Variants in SLIT3 observed in about 807,000 individuals in gnomAD.
SLIT3 encodes the protein slit homolog 3 protein.
In SLIT3, 68 loss-of-function variants were observed where a neutral mutation model predicts 184.0. The observed-to-expected ratio is 0.37, with a 90% CI of 0.30 to 0.45. The LOEUF (loss-of-function observed/expected upper bound fraction) is 0.45, where lower values mean the gene tolerates loss of function less well. Among genes scored for constraint, SLIT3 ranks in the 20% least tolerant of loss-of-function variants. The pLI, the probability that SLIT3 is intolerant of heterozygous loss-of-function variation, is 1.00. For missense variants in SLIT3, 1,707 were observed against 2,026.0 expected (o/e 0.84, Z 3.02); for synonymous variants, 831 against 828.6 (o/e 1.00, Z -0.05).
intron 5 of SLIT3, 79 bp downstream of exon 5, chr5:168,883,186 G>C: frequency 8.7e-7 from 1 of 1,154,886 alleles, no homozygotes; most frequent in Non-Finnish European, 1.3e-6. Context: ...CCACCCTCTT[G>C]TCCCATCCCT....
intron 4 of SLIT3, among the ~76,000 whole-genome samples, chr5:168,909,421 G>A (rs934029168): frequency 6.6e-6 from 1 of 152,206 alleles, no homozygotes; most frequent in African/African-American, 2.4e-5. Flanking sequence ...GCAAAGCTTA[G>A]TGGCAGCCGC....
intron 2 of SLIT3, among the ~76,000 whole-genome samples, chr5:169,246,949 G>T (rs1364168024): frequency 2.9e-5 from 3 of 102,610 alleles, no homozygotes; most frequent in African/African-American, 4.3e-5. Context: ...AAAAAAAAAA[G>T]GCTGGGCACA....
At chr5:168,996,270 C>T (rs1375664444) in intron 4 of SLIT3, among the ~76,000 whole-genome samples, 1 of 152,132 alleles carries the variant, frequency 6.6e-6, no homozygotes, top group Non-Finnish European at 1.5e-5. Flanking sequence ...CAGGCCTCCT[C>T]CCGAGAGACA....
chr5:169,214,827 T>C (rs576290733), intron 3 of SLIT3, among the ~76,000 whole-genome samples: 1 of 152,240 alleles, frequency 6.6e-6, no homozygotes, highest in African/African-American at 2.4e-5. Flanking sequence ...CATGCTTCCC[T>C]CCTTTTCACT....
chr5:169,281,811 T>A (rs1387945715), intron 1 of SLIT3, among the ~76,000 whole-genome samples: 1 of 152,224 alleles, frequency 6.6e-6, no homozygotes, highest in African/African-American at 2.4e-5. Context: ...TTATGTTGCT[T>A]TATTAATTTA....
chr5:169,214,659 T>A (rs1055378583), intron 3 of SLIT3, among the ~76,000 whole-genome samples: 1 of 152,144 alleles, frequency 6.6e-6, no homozygotes, highest in Non-Finnish European at 1.5e-5. Context: ...ACTCCCTAAT[T>A]GTCTTCAAGA....
chr5:168,667,674 G>A (rs112852619), intron 35 of SLIT3: 2 of 152,242 alleles, frequency 1.3e-5, no homozygotes, highest in Non-Finnish European at 2.9e-5. Flanking sequence ...CACAGTTTCC[G>A]TGTCTGCAAA....
chr5:168,974,332 G>A (rs1754680210), intron 4 of SLIT3, among the ~76,000 whole-genome samples: 1 of 152,152 alleles, frequency 6.6e-6, no homozygotes, highest in South Asian at 2.1e-4. Flanking sequence ...AACATTCTTT[G>A]TTGACCCCAT....
intron 4 of SLIT3, among the ~76,000 whole-genome samples, chr5:169,107,031 G>A (rs1045469533): frequency 2.6e-5 from 4 of 152,196 alleles, no homozygotes; most frequent in Non-Finnish European, 5.9e-5. Context: ...ATCCAAGGCC[G>A]CCTGCCCTGT....
chr5:168,918,486 G>A (rs1581210133), intron 4 of SLIT3, among the ~76,000 whole-genome samples: 1 of 152,336 alleles, frequency 6.6e-6, no homozygotes, highest in Admixed American at 6.5e-5. Context: ...GTTTGTCAAC[G>A]GCTGCACTAA....
chr5:169,267,929 C>T (rs1167069038), intron 1 of SLIT3, among the ~76,000 whole-genome samples: 1 of 152,188 alleles, frequency 6.6e-6, no homozygotes, highest in East Asian at 1.9e-4. Flanking sequence ...AGAGCACATA[C>T]ACTATTAACT....
rs1220463009 is a variant in SLIT3, at chr5:168,760,891, G to A, written c.1656C>T (p.Ile552=). 6.2e-7 allele frequency: 1 copy of A among 1,614,000 alleles called. No homozygotes were observed. Among genetic ancestry groups the A allele is most frequent in the South Asian group, 1.1e-5 (1 of 91,080 alleles). ...NEVSVLEATG[I]FKKLPNLRKI... is the part of the protein sequence containing the mutation. ...TCCGCAGGTTGGGCAACTTCTTGAA[G>A]ATGCCAGTGGCCTCCAGAACAGATA... Residue 552 remains isoleucine, a synonymous_variant, in exon 16 of 36, where the codon ATC becomes ATT. Coordinates refer to ENST00000519560, the MANE Select transcript of SLIT3 (RefSeq NM_003062.4).
In SLIT3 at chr5:169,263,270, G is replaced by C. The variant is rs148468274; in HGVS notation, c.198-11811C>G. 7.5e-3 allele frequency among the ~76,000 whole-genome samples: 1,146 copies of C among 152,238 alleles called. 8 individuals carry two copies. The highest frequency in any genetic ancestry group is 0.012 in the Non-Finnish European group (788 of 68,008). ...GGTGGCAGGATTGTTTAAGCCCAGG[G>C]GGGCAGAGGCTGCAGTGAGCTATGA... On this transcript the variant is annotated intron_variant, in intron 1 of 35. Coordinates refer to ENST00000519560, the MANE Select transcript of SLIT3 (RefSeq NM_003062.4).
chr5:169,123,954 C>T (rs1007345091), intron 4 of SLIT3, among the ~76,000 whole-genome samples: 3 of 152,168 alleles, frequency 2.0e-5, no homozygotes, highest in Admixed American at 6.5e-5. Flanking sequence ...AGGAAAGCTT[C>T]GCCAGAGAGC....
At chr5:168,869,821 C>A (rs1407931224) in intron 5 of SLIT3, among the ~76,000 whole-genome samples, 1 of 152,202 alleles carries the variant, frequency 6.6e-6, no homozygotes, top group Non-Finnish European at 1.5e-5. Context: ...AGACACAGTA[C>A]CCAGGAACGG....
In SLIT3 at chr5:168,909,179, G is replaced by A. The variant is rs114263093; in HGVS notation, c.414-25843C>T. ...CTAGGACAGCAAGGGCTACCCCCGA[G>A]CTGCTCTCACACATAGTACTGATAT... On this transcript the variant is annotated intron_variant, in intron 4 of 35. Transcript: ENST00000519560. 4.0e-3 allele frequency among the ~76,000 whole-genome samples: 603 copies of A among 152,326 alleles called. 2 individuals are homozygous for A. The highest frequency in any genetic ancestry group is 6.9e-3 in the Non-Finnish European group (468 of 68,036).
At chr5:169,117,150 G>C (rs376644280) in intron 4 of SLIT3, among the ~76,000 whole-genome samples, 11 of 152,308 alleles carry the variant, frequency 7.2e-5, no homozygotes, top group African/African-American at 2.6e-4. Context: ...CGTGGAATGA[G>C]AAGGTACCAA....
At position 169,300,851 on chromosome 5, in the gene SLIT3, G is replaced by A. The variant is rs1157085928; in HGVS notation, c.-142C>T. The A allele has an allele frequency of 5.4e-5, 43 of 799,312 alleles. 1 individual carries two copies. In the East Asian group the frequency reaches 1.1e-3, roughly 21 times the overall value. The allele number at this position is 799,312 out of a possible 1,614,324, so 49.5% of individuals were successfully genotyped here. A position where few individuals can be genotyped will look rare whatever the true frequency, so the allele number is the denominator to read the frequency against. ...GAGGAGGGGCGAGCTCGGTGCTCAG[G>A]CGCACGGGGCGCGGGCGGAGCGGGG... On this transcript the variant is annotated 5_prime_UTR_variant, in exon 1 of 36. Transcript: ENST00000519560. The surrounding 1 kb of genome is among the most constrained non-coding windows in gnomAD (Gnocchi z 4.1).
At chr5:168,939,215 T>C (rs1762258208) in intron 4 of SLIT3, among the ~76,000 whole-genome samples, 1 of 152,188 alleles carries the variant, frequency 6.6e-6, no homozygotes, top group African/African-American at 2.4e-5. Context: ...AGCGCTATGA[T>C]TGATGAGGAA....
Sources: gnomAD v4.1 joint callset for allele counts (sites outside exome capture counted in the v4.1 genomes callset) on GRCh38, gnomAD v4.1.1 for gene constraint, Gnocchi (gnomAD v3.1) non-coding constraint, MANE v1.5 for transcripts, NCBI Gene and HGNC (gene_info 2026-07-23, HGNC 2026-07-21) for gene names.